Variants in MARK3 observed in about 807,000 individuals in gnomAD.
The protein encoded by MARK3 is MAP/microtubule affinity-regulating kinase 3.
Under a neutral mutation model 90.1 loss-of-function variants are expected in MARK3, and 46 were observed. The observed-to-expected ratio is 0.51, with a 90% CI of 0.40 to 0.65. The LOEUF (loss-of-function observed/expected upper bound fraction) is 0.65, where lower values mean the gene tolerates loss of function less well. Among genes scored for constraint, MARK3 ranks in the 30% least tolerant of loss-of-function variants. MARK3 has a pLI of 0.00. For missense variants in MARK3, 818 were observed against 947.2 expected (o/e 0.86, Z 1.79); for synonymous variants, 321 against 332.6 (o/e 0.97, Z 0.38).
At chr14:103,423,750 G>A (rs914459149) in intron 2 of MARK3, among the ~76,000 whole-genome samples, 2 of 152,224 alleles carry the variant, frequency 1.3e-5, no homozygotes, top group Non-Finnish European at 2.9e-5. Flanking sequence ...CTTGCTGCAC[G>A]TACACATGTC....
intron 1 of MARK3, 112 bp downstream of exon 1, chr14:103,386,192 GC>G: frequency 9.7e-7 from 1 of 1,036,034 alleles, no homozygotes; most frequent in Middle Eastern, 2.0e-4. Flanking sequence ...GAAATAGAGG[GC>G]AGGCCGTAGT....
intron 14 of MARK3, among the ~76,000 whole-genome samples, chr14:103,485,961 A>C (rs2093921315): frequency 6.6e-6 from 1 of 152,152 alleles, no homozygotes; most frequent in Non-Finnish European, 1.5e-5. Context: ...ATGCAACTTG[A>C]ATTTTAAGAA....
At chr14:103,393,043 G>T (rs2090361391) in intron 1 of MARK3, among the ~76,000 whole-genome samples, 2 of 152,152 alleles carry the variant, frequency 1.3e-5, no homozygotes, top group Non-Finnish European at 2.9e-5. Context: ...GAGTGCAGTG[G>T]CATGATCTTG....
intron 1 of MARK3, among the ~76,000 whole-genome samples, chr14:103,404,605 T>C (rs2091165839): frequency 6.6e-6 from 1 of 152,248 alleles, no homozygotes; most frequent in Non-Finnish European, 1.5e-5. Context: ...TTTGAATTAC[T>C]GTTAGCAGTG....
chr14:103,444,756 G>A (rs564859948), intron 3 of MARK3, among the ~76,000 whole-genome samples: 3 of 152,016 alleles, frequency 2.0e-5, no homozygotes, highest in East Asian at 1.9e-4. Context: ...CAGCCTGGGC[G>A]ACAGAGCGAG....
chr14:103,418,907 C>T (rs186003018), intron 2 of MARK3, among the ~76,000 whole-genome samples: 10 of 152,272 alleles, frequency 6.6e-5, no homozygotes, highest in Non-Finnish European at 1.2e-4. Flanking sequence ...TGCCACTAAT[C>T]GTCATAATTG....
At chr14:103,434,512 A>T (rs946678629) in intron 3 of MARK3, among the ~76,000 whole-genome samples, 1 of 152,222 alleles carries the variant, frequency 6.6e-6, no homozygotes, top group Non-Finnish European at 1.5e-5. Flanking sequence ...TCTTGTTATT[A>T]TGACAGTCTT....
chr14:103,443,190 A>G (rs910135954), intron 3 of MARK3, among the ~76,000 whole-genome samples: 2 of 152,242 alleles, frequency 1.3e-5, no homozygotes, highest in African/African-American at 4.8e-5. Flanking sequence ...GAATCGATAC[A>G]CATCAGTAAC....
At chr14:103,476,983 T>C (rs1302399467) in intron 13 of MARK3, among the ~76,000 whole-genome samples, 3 of 152,200 alleles carry the variant, frequency 2.0e-5, no homozygotes, top group African/African-American at 7.2e-5. Flanking sequence ...TCATGACTTC[T>C]CTTCCCCTTT....
At chr14:103,387,444 C>T (rs1482016694) in intron 1 of MARK3, among the ~76,000 whole-genome samples, 1 of 151,972 alleles carries the variant, frequency 6.6e-6, no homozygotes, top group Non-Finnish European at 1.5e-5. Context: ...GAACTAATTT[C>T]CTTATAGTCC....
chr14:103,427,049 ATCTCTC>A (rs916340877), intron 2 of MARK3, among the ~76,000 whole-genome samples: 1 of 151,014 alleles, frequency 6.6e-6, no homozygotes, highest in Non-Finnish European at 1.5e-5. Flanking sequence ...TCTGTGTATA[ATCTCTC>A]TCTCTCTCTC....
rs10529756 is a variant in MARK3, at chr14:103,423,200, C to CTTTTTTTTTTTTTTTTTTT, written c.244-5173_244-5172insTTTTTTTTTTTTTTTTTTT. Among the ~76,000 whole-genome samples, 145 of 94,674 alleles carry CTTTTTTTTTTTTTTTTTTT rather than the reference C, an allele frequency of 1.5e-3. 19 individuals are homozygous for CTTTTTTTTTTTTTTTTTTT. Among genetic ancestry groups the CTTTTTTTTTTTTTTTTTTT allele is most frequent in the Non-Finnish European group, 1.9e-3 (102 of 52,388 alleles). The allele number at this position is 94,674 out of a possible 152,430, so 62.1% of individuals were successfully genotyped here. On this transcript the variant is annotated intron_variant, in intron 2 of 17. Transcript: ENST00000429436. ...TCTATCCCCCTAGAGGACTTGCAGTCTTTTTTTTTTTTTTGCCTCCTCTTT... is the reference window on the plus strand; with the variant it reads ...TCTATCCCCCTAGAGGACTTGCAGTCTTTTTTTTTTTTTTTTTTTTTTTTTTTTTTTTTGCCTCCTCTTT...
At chr14:103,392,451 A>G (rs1479124050) in intron 1 of MARK3, among the ~76,000 whole-genome samples, 1 of 152,170 alleles carries the variant, frequency 6.6e-6, no homozygotes, top group Non-Finnish European at 1.5e-5. Context: ...AATTTCTAAC[A>G]AGTTGCCAGG....
At chr14:103,412,611 C>T (rs2091713043) in intron 2 of MARK3, 4 of 1,006,964 alleles carry the variant, frequency 4.0e-6, no homozygotes, top group South Asian at 1.4e-5. Context: ...CTGACGGTGC[C>T]CGAGAAGCGC....
At position 103,465,582 on chromosome 14, in the gene MARK3, A is replaced by G. The variant is rs2093487478; in HGVS notation, c.566A>G (p.Asp189Gly). 3.1e-6 allele frequency: 5 copies of G among 1,613,782 alleles called. No individual in the cohort carries two copies. The highest frequency in any genetic ancestry group is 4.2e-6 in the Non-Finnish European group (5 of 1,179,786). The stretch of plus-strand genomic sequence containing the variant: ...GCTGAAAATCTATTGTTAGATGCCG[A>G]TATGAACATTAAAATAGCAGATTTC... The part of the protein sequence containing the change: ...LKAENLLLDA[D>G]MNIKIADFGF... The change falls in exon 8 of 18, where the codon GAT becomes GGT. Residue 189 changes from aspartate to glycine, a missense_variant. Coordinates refer to ENST00000429436, the MANE Select transcript of MARK3 (RefSeq NM_001128918.3).
At position 103,503,281 on chromosome 14, in the gene MARK3, G is replaced by A. The variant is rs927116667; in HGVS notation, c.*54G>A. 26 of 1,347,392 alleles carry A rather than the reference G, an allele frequency of 1.9e-5. No individual in the cohort carries two copies. Among genetic ancestry groups the A allele is most frequent in the Non-Finnish European group, 2.7e-5 (26 of 961,816 alleles). 83.5% of individuals were successfully genotyped at this position (1,347,392 alleles called of 1,614,324 possible). On this transcript the variant is annotated 3_prime_UTR_variant, in exon 18 of 18. Coordinates refer to ENST00000429436, the MANE Select transcript of MARK3 (RefSeq NM_001128918.3). ...CAATTAAAGTGTTTTCCTGAACACT[G>A]ATGGAAATGTATAGAATAATATTTA...
chr14:103,457,111 T>C, intron 5 of MARK3, 31 bp from the exon 6 acceptor site: 1 of 1,361,248 alleles, frequency 7.3e-7, no homozygotes, highest in African/African-American at 1.4e-5. Context: ...GAAGTAGGAT[T>C]TCTACTTACT....
At position 103,434,007 on chromosome 14, in the gene MARK3, G is replaced by A. The variant is rs545161024; in HGVS notation, c.297+5567G>A. The stretch of plus-strand genomic sequence containing the variant: ...TTTGAGTTTCCCGTTTCAGCATGCC[G>A]TTGACAGGGTGTTCTCATTATCGTG... On this transcript the variant is annotated intron_variant, in intron 3 of 17. Transcript: ENST00000429436. Among the ~76,000 whole-genome samples, 17 of 152,190 alleles carry A rather than the reference G, an allele frequency of 1.1e-4. 1 individual carries two copies. Among genetic ancestry groups the A allele is most frequent in the South Asian group, 6.2e-4 (3 of 4,814 alleles).
At chr14:103,474,485 A>T (rs907177718) in intron 12 of MARK3, among the ~76,000 whole-genome samples, 8 of 152,110 alleles carry the variant, frequency 5.3e-5, no homozygotes, top group African/African-American at 1.9e-4. Flanking sequence ...CTCTGCTTCT[A>T]CACCTTCCCC....
Sources: allele counts gnomAD v4.1 joint callset (sites outside exome capture counted in the v4.1 genomes callset), GRCh38; gene constraint gnomAD v4.1.1; transcripts MANE v1.5; gene names NCBI Gene and HGNC (gene_info 2026-07-23, HGNC 2026-07-21).